PDIK1L: variants seen among roughly 807,000 people sequenced by gnomAD.
PDIK1L encodes PDLIM1 interacting kinase 1 like.
A neutral mutation model predicts 27.1 loss-of-function variants in PDIK1L; 9 were observed. That is an observed-to-expected ratio of 0.33 (90% CI 0.20 to 0.58). PDIK1L has a LOEUF of 0.58. Among genes scored for constraint, PDIK1L ranks in the 20% least tolerant of loss-of-function variants. The probability of loss-of-function intolerance (pLI) is 0.86; values close to 1 mark genes in which losing one functional copy is unlikely to be tolerated. For missense variants in PDIK1L, 216 were observed against 413.2 expected, an observed-to-expected ratio of 0.52 and a Z score of 4.14; for synonymous variants, 130 against 141.7, an observed-to-expected ratio of 0.92 and a Z score of 0.59.
intron 2 of PDIK1L, among the ~76,000 whole-genome samples, chr1:26,117,362 T>TA (rs1196943749): frequency 6.6e-6 from 1 of 152,168 alleles, no homozygotes; most frequent in Non-Finnish European, 1.5e-5. Context: ...TTTATGACAG[T>TA]AAAAATAACT....
intron 2 of PDIK1L, among the ~76,000 whole-genome samples, chr1:26,117,690 C>T (rs1166266672): frequency 1.3e-5 from 2 of 152,084 alleles, no homozygotes; most frequent in African/African-American, 4.8e-5. Flanking sequence ...TTGCAGTGAG[C>T]CAAGATCATG....
At chr1:26,111,790 T>A (rs2087799075), upstream of PDIK1L, 1 of 149,346 alleles carries the variant, frequency 6.7e-6, no homozygotes. The surrounding 1 kb of genome is among the most constrained non-coding windows in gnomAD (Gnocchi z 4.0). Flanking sequence ...AGGGGGTGTG[T>A]CCGCGCGCAC....
Position 26,114,267 on chromosome 1 carries a change from C to T in PDIK1L, c.-17-25C>T. The T allele has an allele frequency of 6.3e-7, 1 of 1,576,698 alleles. No individual in the cohort carries two copies. On this transcript the variant is annotated intron_variant, in intron 1 of 2. Coordinates refer to ENST00000374269, the MANE Select transcript of PDIK1L (RefSeq NM_152835.5). This position sits in a 1 kb window ranked among gnomAD's most constrained non-coding sequence, Gnocchi z 4.8. ...AGCCAGTAGGTATACATAATTTCAA[C>T]AGAGCACTTTGTTGATTTTTCCAGA... is the stretch of plus-strand genomic sequence containing the variant.
chr1:26,117,015 CTTTT>C (rs60381058), intron 2 of PDIK1L, among the ~76,000 whole-genome samples: 26 of 103,562 alleles, frequency 2.5e-4, no homozygotes, highest in African/African-American at 9.3e-4. Context: ...TGCGCCCAAC[CTTTT>C]TTTTTTTTTT....
chr1:26,112,651 G>T (rs879690855), intron 1 of PDIK1L: 3 of 152,238 alleles, frequency 2.0e-5, no homozygotes, highest in Non-Finnish European at 4.4e-5. Flanking sequence ...GATTTGAAGG[G>T]TGGGTGTCCA....
chr1:26,113,231 C>T (rs896350471), intron 1 of PDIK1L, among the ~76,000 whole-genome samples: 6 of 152,130 alleles, frequency 3.9e-5, no homozygotes, highest in East Asian at 1.9e-4. Flanking sequence ...GGCTCACGCC[C>T]GTAATCCCAG....
rs901805327 is a variant in PDIK1L, at chr1:26,124,903, G to A, written c.*2326G>A. On this transcript the variant is annotated 3_prime_UTR_variant, in exon 3 of 3. Coordinates refer to ENST00000374269, the MANE Select transcript of PDIK1L (RefSeq NM_152835.5). ...TTTTCAGCCAGGAGTAAGAAAAGATGGTTAGTGATATTTGGAAATACCTGG... is the reference window on the plus strand; with the variant it reads ...TTTTCAGCCAGGAGTAAGAAAAGATAGTTAGTGATATTTGGAAATACCTGG... 1.3e-5 allele frequency: 2 copies of A among 152,314 alleles called. No homozygotes were observed. Among genetic ancestry groups the A allele is most frequent in the African/African-American group, 4.8e-5 (2 of 41,444 alleles). The allele number at this position is 152,314 out of a possible 1,614,324, so 9.4% of individuals were successfully genotyped here. A position where few individuals can be genotyped will look rare whatever the true frequency, so the allele number is the denominator to read the frequency against.
intron 2 of PDIK1L, among the ~76,000 whole-genome samples, chr1:26,121,284 C>T (rs533739653): frequency 7.2e-5 from 11 of 152,270 alleles, no homozygotes; most frequent in South Asian, 2.1e-4. Context: ...TATGAAGTAA[C>T]GACGTCAGTC....
chr1:26,117,764 A>AACAAAG (rs1259628233), intron 2 of PDIK1L, among the ~76,000 whole-genome samples: 1 of 151,794 alleles, frequency 6.6e-6, no homozygotes, highest in African/African-American at 2.4e-5. Flanking sequence ...CAAAAACAAA[A>AACAAAG]AGTGGATAGA....
At position 26,114,986 on chromosome 1, in the gene PDIK1L, T is replaced by G. The variant is rs1240416279; in HGVS notation, c.285+393T>G. On this transcript the variant is annotated intron_variant, in intron 2 of 2. Coordinates refer to ENST00000374269, the MANE Select transcript of PDIK1L (RefSeq NM_152835.5). This position sits in a 1 kb window ranked among gnomAD's most constrained non-coding sequence, Gnocchi z 4.8. The stretch of plus-strand genomic sequence containing the variant: ...CAACACCCCTAGGTAATTGGGCATC[T>G]CTTTTATAAATCACTGGTTTGAATG... Among the ~76,000 whole-genome samples the G allele has an allele frequency of 6.6e-6, 1 of 152,238 alleles. No individual in the cohort carries two copies. Among genetic ancestry groups the G allele is most frequent in the Non-Finnish European group, 1.5e-5 (1 of 68,032 alleles).
At chr1:26,116,957 C>T (rs1218570052) in intron 2 of PDIK1L, among the ~76,000 whole-genome samples, 1 of 151,444 alleles carries the variant, frequency 6.6e-6, no homozygotes, top group African/African-American at 2.4e-5. Flanking sequence ...CTCAGGTGAT[C>T]CACCCACCTC....
At chr1:26,111,441 T>G (rs1169943376), upstream of PDIK1L, 1 of 148,286 alleles carries the variant, frequency 6.7e-6, no homozygotes, top group Non-Finnish European at 1.5e-5. The surrounding 1 kb of genome is among the most constrained non-coding windows in gnomAD (Gnocchi z 4.0). Flanking sequence ...AGGGGGCGGG[T>G]AGAGGGAGGG....
Position 26,114,324 on chromosome 1 carries a change from C to T in PDIK1L, c.16C>T (p.Pro6Ser). MVSSQ[P>S]KYDLIREVGR... is the part of the protein sequence containing the mutation. ...GACCTTGAAGATGGTGAGTAGCCAGCCAAAGTACGATCTAATACGGGAGGT... is the reference window on the plus strand; with the variant it reads ...GACCTTGAAGATGGTGAGTAGCCAGTCAAAGTACGATCTAATACGGGAGGT... Residue 6 changes from proline (P) to serine (S), a missense_variant, in exon 2 of 3, where the codon CCA (proline) becomes TCA (serine). Physicochemically the swap from Pro to Ser is moderately conservative, Grantham distance 74. Around this residue, in one of 2 missense-constraint regions of PDIK1L, gnomAD observed 47 missense variants for 47.2 expected, o/e 1.00. Transcript: ENST00000374269. This position sits in a 1 kb window ranked among gnomAD's most constrained non-coding sequence, Gnocchi z 4.8. The T allele has an allele frequency of 6.2e-7, 1 of 1,610,126 alleles. No homozygotes were observed. The highest frequency in any genetic ancestry group is 2.2e-5 in the East Asian group (1 of 44,786).
In PDIK1L at chr1:26,118,083, C is replaced by G. The variant is rs564860070; in HGVS notation, c.285+3490C>G. On this transcript the variant is annotated intron_variant, in intron 2 of 2. Transcript: ENST00000374269. ...AAAAAAAAAAAAAAAGTGGATAGAACCTTGCTGAACTTTACATTGAGTTTT... is the reference window on the plus strand; with the variant it reads ...AAAAAAAAAAAAAAAGTGGATAGAAGCTTGCTGAACTTTACATTGAGTTTT... Among the ~76,000 whole-genome samples, 7 of 150,736 alleles carry G rather than the reference C, an allele frequency of 4.6e-5. No homozygotes were observed. The South Asian group carries it at 1.3e-3, about 27-fold the overall frequency.
At chr1:26,115,675 G>T (rs1055547187) in intron 2 of PDIK1L, among the ~76,000 whole-genome samples, 1 of 152,006 alleles carries the variant, frequency 6.6e-6, no homozygotes, top group Admixed American at 6.6e-5. Context: ...AGTGGTGGAC[G>T]CCTGTAGTCC....
rs1300080159 is a variant in PDIK1L at position 26,124,961 on chromosome 1, T to A, written c.*2384T>A. The A allele has an allele frequency of 6.6e-6, 1 of 152,632 alleles. No homozygotes were observed. The highest frequency in any genetic ancestry group is 1.5e-5 in the Non-Finnish European group (1 of 68,022). 9.5% of individuals were successfully genotyped at this position (152,632 alleles called of 1,614,324 possible). A position where few individuals can be genotyped will look rare whatever the true frequency, so the allele number is the denominator to read the frequency against. ...CTAGAGGAAAAATGAAAGCAAAACT[T>A]CGTACACAGTGCCTTGCCCATAATA... On this transcript the variant is annotated 3_prime_UTR_variant, in exon 3 of 3. Transcript: ENST00000374269.
Position 26,125,013 on chromosome 1 carries a change from TAGA to T in PDIK1L, c.*2437_*2439del, listed in dbSNP as rs2088054235. Reference sequence around the variant, plus strand: ...GTACTCAATAAGCAATTGTTCCTCATAGAGTCTTTTGCCATGATTTATGGTGTT... The same window carrying T: ...GTACTCAATAAGCAATTGTTCCTCATGTCTTTTGCCATGATTTATGGTGTT... On this transcript the variant is annotated 3_prime_UTR_variant, in exon 3 of 3. Transcript: ENST00000374269. 1 of 152,600 alleles carries T rather than the reference TAGA, an allele frequency of 6.6e-6. No individual in the cohort carries two copies. The highest frequency in any genetic ancestry group is 6.5e-5 in the Admixed American group (1 of 15,278). The allele number at this position is 152,600 out of a possible 1,614,324, so 9.5% of individuals were successfully genotyped here. A position where few individuals can be genotyped will look rare whatever the true frequency, so the allele number is the denominator to read the frequency against.
chr1:26,113,480 A>G (rs2087830499), intron 1 of PDIK1L, among the ~76,000 whole-genome samples: 1 of 141,984 alleles, frequency 7.0e-6, no homozygotes, highest in South Asian at 2.5e-4. Flanking sequence ...AGACAGAGCG[A>G]GAGAGCGAGA....
At position 26,117,698 on chromosome 1, in the gene PDIK1L, A is replaced by T. The variant is rs184966858; in HGVS notation, c.285+3105A>T. Among the ~76,000 whole-genome samples, 152 of 152,212 alleles carry T rather than the reference A, an allele frequency of 1.0e-3. 2 individuals carry two copies. Among genetic ancestry groups the T allele is most frequent in the African/African-American group, 3.4e-3 (141 of 41,530 alleles). Reference sequence around the variant, plus strand: ...GCAGAGATTGCAGTGAGCCAAGATCATGTCACTGCACTCCAGCCTGGGTGA... The same window carrying T: ...GCAGAGATTGCAGTGAGCCAAGATCTTGTCACTGCACTCCAGCCTGGGTGA... On this transcript the variant is annotated intron_variant, in intron 2 of 2. Coordinates refer to ENST00000374269, the MANE Select transcript of PDIK1L (RefSeq NM_152835.5).
Sources: gnomAD v4.1 joint callset for allele counts (sites outside exome capture counted in the v4.1 genomes callset) on GRCh38, gnomAD v4.1.1 for gene constraint, gnomAD v4.1.1 regional missense constraint, Gnocchi (gnomAD v3.1) non-coding constraint, MANE v1.5 for transcripts, NCBI Gene and HGNC (gene_info 2026-07-23, HGNC 2026-07-21) for gene names.